Variants in HAS3 observed in about 807,000 individuals in gnomAD.
HAS3 encodes hyaluronan synthase 3.
Under a neutral mutation model 50.3 loss-of-function variants are expected in HAS3, and 27 were observed. That is an observed-to-expected ratio of 0.54 (90% confidence interval 0.40 to 0.74). The LOEUF (loss-of-function observed/expected upper bound fraction) is 0.74, where lower values mean the gene tolerates loss of function less well. Among genes scored for constraint, HAS3 ranks in the 30% least tolerant of loss-of-function variants. HAS3 has a pLI of 0.00. For synonymous variants in HAS3, 339 were observed against 310.9 expected, an observed-to-expected ratio of 1.09 and a Z score of -0.95; for missense variants, 517 against 742.8, an observed-to-expected ratio of 0.70 and a Z score of 3.53.
At chr16:69,094,371 C>A in the HAS3 span, among the ~76,000 whole-genome samples, 1 of 152,132 alleles carries the variant, frequency 6.6e-6, no homozygotes, top group Non-Finnish European at 1.5e-5. Flanking sequence ...GACCACACAC[C>A]ACCTTCAAAA....
Position 69,115,723 on chromosome 16 carries a change from AC to A in HAS3, c.*462del. 1 of 987,746 alleles carries A rather than the reference AC, an allele frequency of 1.0e-6. No individual in the cohort carries two copies. The highest frequency in any genetic ancestry group is 1.2e-6 in the Non-Finnish European group (1 of 831,802). The allele number at this position is 987,746 out of a possible 1,614,324, so 61.2% of individuals were successfully genotyped here. A position where few individuals can be genotyped will look rare whatever the true frequency, so the allele number is the denominator to read the frequency against. ...CGAGCTGGGCCGGTTAGTGTATGTC[AC>A]CCCCACCCCACCCCTAAGTAGTCAT... On this transcript the variant is annotated 3_prime_UTR_variant, in exon 4 of 4. Transcript: ENST00000569188.
At chr16:69,093,944 C>T in the HAS3 span, among the ~76,000 whole-genome samples, 1 of 152,128 alleles carries the variant, frequency 6.6e-6, no homozygotes, top group African/African-American at 2.4e-5. Flanking sequence ...GGGTTAATGG[C>T]CCTCTTTGAA....
At chr16:69,089,024 C>T in the HAS3 span, among the ~76,000 whole-genome samples, 2 of 152,168 alleles carry the variant, frequency 1.3e-5, no homozygotes, top group African/African-American at 2.4e-5. Flanking sequence ...ATGCCACCCC[C>T]CAACTTGGCC....
upstream of HAS3, among the ~76,000 whole-genome samples, chr16:69,104,801 G>A (rs781631812): frequency 6.6e-6 from 1 of 151,868 alleles, no homozygotes; most frequent in East Asian, 1.9e-4. Context: ...GCTTGCCTGC[G>A]GGGACTGAGG....
chr16:69,093,600 G>A, the HAS3 span, among the ~76,000 whole-genome samples: 1 of 140,980 alleles, frequency 7.1e-6, no homozygotes, highest in Admixed American at 7.7e-5. Flanking sequence ...ACATGATCTC[G>A]GCTCACCGCA....
At chr16:69,112,128 C>T (rs1406229313) in intron 2 of HAS3, among the ~76,000 whole-genome samples, 3 of 152,232 alleles carry the variant, frequency 2.0e-5, no homozygotes, top group African/African-American at 7.2e-5. Flanking sequence ...TAACCTTGCT[C>T]AGTTAGAAAG....
At chr16:69,096,860 G>A in the HAS3 span, among the ~76,000 whole-genome samples, 8 of 151,170 alleles carry the variant, frequency 5.3e-5, no homozygotes, top group Non-Finnish European at 1.0e-4. Context: ...CTCGTGATCC[G>A]CCCACCTCAG....
At chr16:69,098,452 A>G in the HAS3 span, among the ~76,000 whole-genome samples, 1 of 151,544 alleles carries the variant, frequency 6.6e-6, no homozygotes, top group South Asian at 2.1e-4. Context: ...TGTGTTGTCC[A>G]GGCTGGTCTC....
At chr16:69,100,664 G>A, upstream of HAS3, among the ~76,000 whole-genome samples, 1 of 152,186 alleles carries the variant, frequency 6.6e-6, no homozygotes, top group South Asian at 2.1e-4. Context: ...GGAGCACCTG[G>A]GTCCTGGCAA....
intron 2 of HAS3, among the ~76,000 whole-genome samples, chr16:69,112,620 T>C (rs1471223925): frequency 6.6e-6 from 1 of 152,232 alleles, no homozygotes; most frequent in Non-Finnish European, 1.5e-5. Flanking sequence ...ATCAGGTCTG[T>C]AAACCAGTTC....
the HAS3 span, among the ~76,000 whole-genome samples, chr16:69,097,608 C>A: frequency 6.6e-6 from 1 of 152,316 alleles, no homozygotes; most frequent in East Asian, 1.9e-4. Context: ...AGTAGGCTTA[C>A]AATGCGCACA....
At chr16:69,102,633 C>T (rs1597089484), upstream of HAS3, among the ~76,000 whole-genome samples, 1 of 152,212 alleles carries the variant, frequency 6.6e-6, no homozygotes, top group East Asian at 1.9e-4. Context: ...TTGGTACAGG[C>T]AGGGTGTTTG....
At chr16:69,083,562 G>C in the HAS3 span, 5 of 1,610,338 alleles carry the variant, frequency 3.1e-6, no homozygotes, top group South Asian at 5.6e-5. Context: ...ACGTGGCCAA[G>C]CTCCATGCCC....
chr16:69,117,559 A>ATAT lies in HAS3; in HGVS notation c.*2295_*2297dup, dbSNP rs2152262457. The ATAT allele has an allele frequency of 1.1e-6, 1 of 898,902 alleles. No individual in the cohort carries two copies. Among genetic ancestry groups the ATAT allele is most frequent in the Non-Finnish European group, 1.3e-6 (1 of 756,242 alleles). The allele number at this position is 898,902 out of a possible 1,614,324, so 55.7% of individuals were successfully genotyped here. ...ATTGTTTCTACAATAATTTGTAAAC[A>ATAT]TATTTATTTTTACCTGCTTTTTTTT... is the stretch of plus-strand genomic sequence containing the variant. On this transcript the variant is annotated 3_prime_UTR_variant, in exon 4 of 4. Transcript: ENST00000569188.
Position 69,114,835 on chromosome 16 carries a change from C to G in HAS3, c.1231C>G (p.Leu411Val). 6.2e-7 allele frequency: 1 copy of G among 1,614,158 alleles called. No individual in the cohort carries two copies. Among genetic ancestry groups the G allele is most frequent in the Non-Finnish European group, 8.5e-7 (1 of 1,180,030 alleles). The part of the protein sequence containing the change: ...FYRGRIWNIL[L>V]FLLTVQLVGI... The stretch of plus-strand genomic sequence containing the variant: ...CCGGGGCCGCATCTGGAACATTCTC[C>G]TCTTCCTGCTGACGGTGCAGCTGGT... The change falls in exon 4 of 4, where the codon CTC (leucine) becomes GTC (valine). Residue 411 changes from leucine (L) to valine (V), a missense_variant. Transcript: ENST00000569188. This position sits in a 1 kb window ranked among gnomAD's most constrained non-coding sequence, Gnocchi z 6.4.
At chr16:69,108,962 G>C (rs1960903436) in intron 1 of HAS3, among the ~76,000 whole-genome samples, 1 of 152,152 alleles carries the variant, frequency 6.6e-6, no homozygotes, top group Non-Finnish European at 1.5e-5. Flanking sequence ...CTGCCTCCCT[G>C]GCCCTCAGGT....
At chr16:69,112,558 T>C (rs923131552) in intron 2 of HAS3, among the ~76,000 whole-genome samples, 1 of 152,242 alleles carries the variant, frequency 6.6e-6, no homozygotes. Flanking sequence ...AACAGGGTTT[T>C]GGTTTATCTG....
In HAS3 at chr16:69,107,630, T is replaced by G. The variant is rs2152254995; in HGVS notation, c.1-1766T>G. 1 of 985,480 alleles carries G rather than the reference T, an allele frequency of 1.0e-6. No homozygotes were observed. Among genetic ancestry groups the G allele is most frequent in the African/African-American group, 1.7e-5 (1 of 57,354 alleles). 61.0% of individuals were successfully genotyped at this position (985,480 alleles called of 1,614,324 possible). ...CAGCGCCCAGGTTGCTGGGCTGGCCTTGGCGCCCCCTTCCCCTACCCAGAG... is the reference window on the plus strand; with the variant it reads ...CAGCGCCCAGGTTGCTGGGCTGGCCGTGGCGCCCCCTTCCCCTACCCAGAG... On this transcript the variant is annotated intron_variant, in intron 1 of 3. Coordinates refer to ENST00000569188, the MANE Select transcript of HAS3 (RefSeq NM_001199280.2). This position sits in a 1 kb window ranked among gnomAD's most constrained non-coding sequence, Gnocchi z 5.5.
chr16:69,102,682 AAGG>A (rs1273307837), upstream of HAS3, among the ~76,000 whole-genome samples: 3 of 152,218 alleles, frequency 2.0e-5, no homozygotes, highest in Non-Finnish European at 4.4e-5. Context: ...ACTGTTGGTT[AAGG>A]AGGTTTTCAT....
Sources: allele counts gnomAD v4.1 joint callset (sites outside exome capture counted in the v4.1 genomes callset), GRCh38; gene constraint gnomAD v4.1.1; non-coding constraint Gnocchi (gnomAD v3.1); transcripts MANE v1.5; gene names NCBI Gene and HGNC (gene_info 2026-07-23, HGNC 2026-07-21).